BCL2L13: variants seen among roughly 807,000 people sequenced by gnomAD.
BCL2L13 encodes the protein bcl-2-like protein 13.
Under a neutral mutation model 25.8 loss-of-function variants are expected in BCL2L13, and 13 were observed. The ratio of observed to expected loss-of-function variants is 0.50; its 90% CI spans 0.33 to 0.80. The LOEUF is 0.80. Among genes scored for constraint, BCL2L13 ranks in the 30% least tolerant of loss-of-function variants. BCL2L13 has a pLI of 0.02. For synonymous variants in BCL2L13, 244 were observed against 230.3 expected, an observed-to-expected ratio of 1.06 and a Z score of -0.54; for missense variants, 504 against 574.9, an observed-to-expected ratio of 0.88 and a Z score of 1.26.
chr22:17,639,070 C>T (rs1006952746), intron 1 of BCL2L13, among the ~76,000 whole-genome samples, 184 bp downstream of exon 1: 1 of 152,160 alleles, frequency 6.6e-6, no homozygotes, highest in Admixed American at 6.5e-5. Context: ...CTTAGGGGTC[C>T]GCTTCACCGT....
At chr22:17,717,852 C>T (rs1037491920) in intron 6 of BCL2L13, among the ~76,000 whole-genome samples, 4 of 152,102 alleles carry the variant, frequency 2.6e-5, no homozygotes, top group East Asian at 3.9e-4. Flanking sequence ...TTTGGTAGGC[C>T]AAAGCAGGCA....
intron 2 of BCL2L13, among the ~76,000 whole-genome samples, chr22:17,656,335 C>CTTTTTTTTTTTTTTTTTTTTT (rs890631679): frequency 6.9e-5 from 4 of 57,880 alleles, no homozygotes; most frequent in Non-Finnish European, 1.1e-4. Flanking sequence ...TCATTTTATT[C>CTTTTTTTTTTTTTTTTTTTTT]TTTTTTTTTT....
chr22:17,698,593 G>GTGCACCT (rs1203112292), intron 5 of BCL2L13, among the ~76,000 whole-genome samples: 3 of 149,428 alleles, frequency 2.0e-5, no homozygotes, highest in African/African-American at 7.4e-5. Context: ...ACATGGTGGT[G>GTGCACCT]TGCACCTGTA....
Position 17,728,438 on chromosome 22 carries a change from C to T in BCL2L13, c.*904C>T, listed in dbSNP as rs1384482394. On this transcript the variant is annotated 3_prime_UTR_variant, in exon 7 of 7. Transcript: ENST00000317582. The stretch of plus-strand genomic sequence containing the variant: ...TCTTGTGTCAAGGCAGGAGGATAAC[C>T]TGGATGACCTTCTGAGGTCTCTTCA... The T allele has an allele frequency of 6.6e-6, 1 of 152,228 alleles. No individual in the cohort carries two copies. Among genetic ancestry groups the T allele is most frequent in the Non-Finnish European group, 1.5e-5 (1 of 68,038 alleles). The allele number at this position is 152,228 out of a possible 1,614,324, so 9.4% of individuals were successfully genotyped here. A position where few individuals can be genotyped will look rare whatever the true frequency, so the allele number is the denominator to read the frequency against.
chr22:17,698,988 C>T (rs1327944392), intron 5 of BCL2L13, among the ~76,000 whole-genome samples: 1 of 152,126 alleles, frequency 6.6e-6, no homozygotes, highest in South Asian at 2.1e-4. Context: ...AAAATGTTCT[C>T]ATTTCTGGGT....
At chr22:17,631,670 G>GTGTATTTA (rs1203626385) in intron 1 of BCL2L13, among the ~76,000 whole-genome samples, 4 of 26,892 alleles carry the variant, frequency 1.5e-4, no homozygotes, top group Admixed American at 5.2e-4. Flanking sequence ...GTGTGTGTGT[G>GTGTATTTA]TATATATATA....
In BCL2L13 at chr22:17,722,378, GGTGTGTGTGTGT is replaced by G. The variant is rs71315401; in HGVS notation, c.601-4268_601-4257del. Among the ~76,000 whole-genome samples the G allele has an allele frequency of 1.1e-4, 14 of 122,144 alleles. No homozygotes were observed. In the South Asian group the frequency reaches 1.9e-3, roughly 16 times the overall value. The allele number at this position is 122,144 out of a possible 152,430, so 80.1% of individuals were successfully genotyped here. On this transcript the variant is annotated intron_variant, in intron 6 of 6. Transcript: ENST00000317582. ...TGAGTTGAGTAGATGAGACTACAGGGGTGTGTGTGTGTGTGTGTGTGTGTGTGTGTGTGTGTG... is the reference window on the plus strand; with the variant it reads ...TGAGTTGAGTAGATGAGACTACAGGGGTGTGTGTGTGTGTGTGTGTGTGTG...
chr22:17,705,613 T>A (rs1036825155), intron 6 of BCL2L13, among the ~76,000 whole-genome samples: 4 of 152,086 alleles, frequency 2.6e-5, no homozygotes, highest in African/African-American at 7.2e-5. Context: ...GCTTTTTTTT[T>A]AATGCCAGTT....
rs185722690 is a variant in BCL2L13, at chr22:17,657,575, C to T, written c.121+1743C>T. 2.6e-3 allele frequency among the ~76,000 whole-genome samples: 393 copies of T among 151,868 alleles called. 1 individual carries two copies. Among genetic ancestry groups the T allele is most frequent in the Non-Finnish European group, 4.9e-3 (331 of 67,954 alleles). On this transcript the variant is annotated intron_variant, in intron 2 of 6. Transcript: ENST00000317582. ...CTGTCCAGGCTAGAGTGCAGCGGCA[C>T]GATCTCGGCTACTGCAACCTCCGCC...
At chr22:17,673,533 ATTT>A (rs34253686) in intron 2 of BCL2L13, among the ~76,000 whole-genome samples, 7 of 131,076 alleles carry the variant, frequency 5.3e-5, no homozygotes, top group Admixed American at 7.8e-5. Flanking sequence ...ATGCCTGGCA[ATTT>A]TTTTTTTTTT....
intron 1 of BCL2L13, among the ~76,000 whole-genome samples, chr22:17,650,015 C>T (rs918625712): frequency 4.0e-5 from 6 of 151,560 alleles, no homozygotes; most frequent in African/African-American, 9.7e-5. Flanking sequence ...GGATTACAGG[C>T]GCCTGCCATC....
At chr22:17,658,422 G>T (rs2058954460) in intron 2 of BCL2L13, among the ~76,000 whole-genome samples, 2 of 152,108 alleles carry the variant, frequency 1.3e-5, no homozygotes, top group Admixed American at 1.3e-4. Context: ...GCTGGGTGGG[G>T]TGCCTCATGC....
Position 17,696,143 on chromosome 22 carries a change from C to T in BCL2L13, c.389C>T (p.Pro130Leu). 1 of 1,612,944 alleles carries T rather than the reference C, an allele frequency of 6.2e-7. No individual in the cohort carries two copies. The highest frequency in any genetic ancestry group is 1.6e-4 in the Middle Eastern group (1 of 6,062). ...GACTTTTAAAAAAATCTCTACAGGCCAGTGACATATCAGGCATTTCGGGAA... is the reference window on the plus strand; with the variant it reads ...GACTTTTAAAAAAATCTCTACAGGCTAGTGACATATCAGGCATTTCGGGAA... ...HKALQMLLSQ[P>L]VTYQAFRECT... is the part of the protein sequence containing the mutation. The change falls in exon 5 of 7, where the codon CCA becomes CTA. Residue 130 changes from proline to leucine, a missense_variant and splice_region_variant. Physicochemically the swap from Pro to Leu is moderately conservative, Grantham distance 98. Coordinates refer to ENST00000317582, the MANE Select transcript of BCL2L13 (RefSeq NM_015367.4).
intron 1 of BCL2L13, 79 bp downstream of exon 1, chr22:17,638,965 C>A: frequency 8.8e-7 from 1 of 1,130,090 alleles, no homozygotes; most frequent in East Asian, 3.2e-5. Context: ...GCCCAGAGAC[C>A]GTATCGAGCC....
At chr22:17,701,762 C>T (rs2060442207) in intron 5 of BCL2L13, among the ~76,000 whole-genome samples, 1 of 151,942 alleles carries the variant, frequency 6.6e-6, no homozygotes, top group Non-Finnish European at 1.5e-5. Flanking sequence ...CCCGTCTCTA[C>T]TAAAAATACA....
At chr22:17,714,590 C>T (rs145859284) in intron 6 of BCL2L13, among the ~76,000 whole-genome samples, 81 of 152,248 alleles carry the variant, frequency 5.3e-4, no homozygotes, top group African/African-American at 1.6e-3. Context: ...GCTTAGGTAG[C>T]TTGGGGGGAC....
chr22:17,720,937 C>T (rs1179986935), intron 6 of BCL2L13, among the ~76,000 whole-genome samples: 3 of 151,846 alleles, frequency 2.0e-5, no homozygotes, highest in Admixed American at 2.0e-4. Flanking sequence ...GAGGCCGAGG[C>T]GGGTGGATCA....
chr22:17,630,021 C>A (rs967690937), intron 1 of BCL2L13, among the ~76,000 whole-genome samples: 1 of 151,904 alleles, frequency 6.6e-6, no homozygotes, highest in Non-Finnish European at 1.5e-5. Context: ...GATTTCGAGA[C>A]CAGCCTGACC....
At chr22:17,697,809 C>T (rs1407329128) in intron 5 of BCL2L13, among the ~76,000 whole-genome samples, 7 of 152,044 alleles carry the variant, frequency 4.6e-5, no homozygotes, top group Admixed American at 1.3e-4. Context: ...CTGATATAGA[C>T]ATTTGAAATA....
Sources: gnomAD v4.1 joint callset for allele counts (sites outside exome capture counted in the v4.1 genomes callset) on GRCh38, gnomAD v4.1.1 for gene constraint, MANE v1.5 for transcripts, NCBI Gene and HGNC (gene_info 2026-07-23, HGNC 2026-07-21) for gene names.